Variants in EDIL3 observed in about 807,000 individuals in gnomAD.
EDIL3 encodes the protein EGF like and discoidin domains 3.
In EDIL3, 37 loss-of-function variants were observed where a neutral mutation model predicts 67.4. The observed-to-expected ratio is 0.55, with a 90% CI of 0.42 to 0.72. EDIL3 has a LOEUF of 0.72. Ranked by LOEUF, EDIL3 falls within the 30% of genes least tolerant of loss-of-function variation. The pLI is 0.00. For synonymous variants in EDIL3, 195 were observed against 196.3 expected (o/e 0.99, Z 0.05); for missense variants, 527 against 586.3 (o/e 0.90, Z 1.04).
chr5:83,991,886 C>T (rs1745157065), intron 9 of EDIL3, among the ~76,000 whole-genome samples: 1 of 152,144 alleles, frequency 6.6e-6, no homozygotes, highest in Non-Finnish European at 1.5e-5. Flanking sequence ...GATCCTCTGT[C>T]TTGATGAACC....
At chr5:84,311,499 T>C (rs1746388951) in intron 1 of EDIL3, among the ~76,000 whole-genome samples, 2 of 152,082 alleles carry the variant, frequency 1.3e-5, no homozygotes, top group South Asian at 4.1e-4. Context: ...GCAAAAGGGC[T>C]TTAACGTGTT....
At chr5:84,230,378 T>C (rs1050941334) in intron 2 of EDIL3, among the ~76,000 whole-genome samples, 3 of 151,980 alleles carry the variant, frequency 2.0e-5, no homozygotes, top group Non-Finnish European at 4.4e-5. Flanking sequence ...AGAATTAAAC[T>C]TCAGGGTGAC....
rs79539454 is a variant in EDIL3 at position 83,978,542 on chromosome 5, T to A, written c.1138-15182A>T. On this transcript the variant is annotated intron_variant, in intron 9 of 10. Transcript: ENST00000296591. ...GGGACCAGGAAAAACCTAGATAATT[T>A]GCTGCATGGCTAGTGGTGGTAATAG... Among the ~76,000 whole-genome samples, 812 of 152,044 alleles carry A rather than the reference T, an allele frequency of 5.3e-3. 10 individuals are homozygous for A. The highest frequency in any genetic ancestry group is 0.019 in the African/African-American group (769 of 41,524).
intron 7 of EDIL3, among the ~76,000 whole-genome samples, chr5:84,065,640 A>G (rs112361954): frequency 2.0e-5 from 2 of 100,224 alleles, no homozygotes; most frequent in African/African-American, 3.0e-5. Context: ...TGAGAATATC[A>G]TAAGAAAAGA....
chr5:84,287,087 G>A (rs1480704993), intron 1 of EDIL3, among the ~76,000 whole-genome samples: 1 of 152,120 alleles, frequency 6.6e-6, no homozygotes, highest in African/African-American at 2.4e-5. Context: ...CCACATAATG[G>A]GAGATGCAGA....
chr5:84,029,889 T>C (rs4585421), intron 9 of EDIL3, among the ~76,000 whole-genome samples: 56,418 of 152,022 alleles, frequency 0.37, 11,740 homozygotes, highest in African/African-American at 0.57. Flanking sequence ...AGTTTGCTAA[T>C]GATACCATAT....
chr5:84,258,211 TTAAGAGCG>T (rs1437323829), intron 1 of EDIL3, among the ~76,000 whole-genome samples: 4 of 152,182 alleles, frequency 2.6e-5, no homozygotes, highest in Non-Finnish European at 5.9e-5. Flanking sequence ...TAAGATGAAG[TTAAGAGCG>T]TAACAAGTTT....
intron 4 of EDIL3, among the ~76,000 whole-genome samples, chr5:84,165,524 G>A (rs781030121): frequency 6.6e-6 from 1 of 152,098 alleles, no homozygotes; most frequent in Non-Finnish European, 1.5e-5. Context: ...AGGATTCACT[G>A]CCTAGGCTGT....
chr5:84,216,940 T>C (rs1414128764), intron 3 of EDIL3, among the ~76,000 whole-genome samples: 1 of 152,052 alleles, frequency 6.6e-6, no homozygotes, highest in Admixed American at 6.6e-5. Flanking sequence ...AGAAAGAAAA[T>C]ACTTCATAGG....
chr5:83,971,470 T>G (rs10428624), intron 9 of EDIL3, among the ~76,000 whole-genome samples: 72,730 of 151,478 alleles, frequency 0.48, 18,204 homozygotes, highest in African/African-American at 0.64. Flanking sequence ...GCCTTGCTAT[T>G]TTGTCCAGGT....
At chr5:84,151,828 C>A (rs1182276956) in intron 4 of EDIL3, among the ~76,000 whole-genome samples, 1 of 151,828 alleles carries the variant, frequency 6.6e-6, no homozygotes, top group East Asian at 1.9e-4. Flanking sequence ...TTTCTGTACT[C>A]CTATGATCTA....
chr5:84,162,813 T>A (rs892414683), intron 4 of EDIL3, among the ~76,000 whole-genome samples: 1 of 152,094 alleles, frequency 6.6e-6, no homozygotes, highest in African/African-American at 2.4e-5. Flanking sequence ...CTGTCCTTGA[T>A]CTGTATCCAG....
At chr5:84,250,480 T>C (rs979167053) in intron 2 of EDIL3, among the ~76,000 whole-genome samples, 2 of 152,246 alleles carry the variant, frequency 1.3e-5, no homozygotes, top group African/African-American at 4.8e-5. Flanking sequence ...TGAGTATTGA[T>C]TGCAAATGTG....
At chr5:84,180,008 GT>G (rs371149286) in intron 4 of EDIL3, among the ~76,000 whole-genome samples, 28 of 147,838 alleles carry the variant, frequency 1.9e-4, no homozygotes, top group East Asian at 1.8e-3. Context: ...TTTGTGTTTT[GT>G]TTTTTTTTTT....
At chr5:84,160,216 G>A (rs910151824) in intron 4 of EDIL3, among the ~76,000 whole-genome samples, 1 of 152,024 alleles carries the variant, frequency 6.6e-6, no homozygotes, top group Non-Finnish European at 1.5e-5. Flanking sequence ...CTTAATACAT[G>A]TACTTGTTAA....
chr5:84,206,697 C>T (rs1377853794), intron 3 of EDIL3, among the ~76,000 whole-genome samples: 1 of 151,980 alleles, frequency 6.6e-6, no homozygotes, highest in Non-Finnish European at 1.5e-5. Context: ...GTTTATCCAC[C>T]ATGATCAAGT....
chr5:84,248,472 A>T (rs1213271446), intron 2 of EDIL3, among the ~76,000 whole-genome samples: 3 of 151,954 alleles, frequency 2.0e-5, no homozygotes, highest in Non-Finnish European at 4.4e-5. Flanking sequence ...TTGTATTTCT[A>T]ATTCCTCTAT....
chr5:84,325,125 G>T (rs1341866039), intron 1 of EDIL3, among the ~76,000 whole-genome samples: 1 of 151,782 alleles, frequency 6.6e-6, no homozygotes, highest in African/African-American at 2.4e-5. Flanking sequence ...AGAAAAAATA[G>T]ACAAAATGAA....
At chr5:84,163,158 A>T (rs1376074171) in intron 4 of EDIL3, among the ~76,000 whole-genome samples, 2 of 152,112 alleles carry the variant, frequency 1.3e-5, no homozygotes, top group Non-Finnish European at 2.9e-5. Context: ...TTTAGATGAC[A>T]AACCCAAATC....
Sources: gnomAD v4.1 joint callset for allele counts (sites outside exome capture counted in the v4.1 genomes callset) on GRCh38, gnomAD v4.1.1 for gene constraint, MANE v1.5 for transcripts, NCBI Gene and HGNC (gene_info 2026-07-23, HGNC 2026-07-21) for gene names.